GLB1L2: variants seen among roughly 807,000 people sequenced by gnomAD.
The protein encoded by GLB1L2 is beta-galactosidase-1-like protein 2.
In GLB1L2, 68 loss-of-function variants were observed where a neutral mutation model predicts 84.1. The observed-to-expected ratio is 0.81, with a 90% CI of 0.67 to 0.99. The LOEUF is 0.99. Ranked by LOEUF, GLB1L2 falls within the 50% of genes least tolerant of loss-of-function variation. GLB1L2 has a pLI of 0.00. For synonymous variants in GLB1L2, 290 were observed against 318.0 expected (o/e 0.91, Z 0.94); for missense variants, 762 against 805.6 (o/e 0.95, Z 0.66).
In GLB1L2 at chr11:134,370,243, G is replaced by C; in HGVS notation, c.1109-50G>C. 1 of 1,485,190 alleles carries C rather than the reference G, an allele frequency of 6.7e-7. No homozygotes were observed. Among genetic ancestry groups the C allele is most frequent in the Non-Finnish European group, 9.4e-7 (1 of 1,062,848 alleles). 92.0% of individuals were successfully genotyped at this position (1,485,190 alleles called of 1,614,324 possible). ...GGGAGCCGGGTGGGGAGGACGAGCAGGCAGTGACATTTGGGTCCGTTGGGG... is the reference window on the plus strand; with the variant it reads ...GGGAGCCGGGTGGGGAGGACGAGCACGCAGTGACATTTGGGTCCGTTGGGG... On this transcript the variant is annotated intron_variant, in intron 11 of 18. Transcript: ENST00000535456. This position sits in a 1 kb window ranked among gnomAD's most constrained non-coding sequence, Gnocchi z 4.7.
Position 134,371,108 on chromosome 11 carries a change from C to A in GLB1L2, c.1316C>A (p.Ser439Ter). Residue 439 changes from serine to a stop codon, truncating the protein, a stop_gained, in exon 13 of 19, where the codon TCG (serine) becomes TAG (stop). Transcript: ENST00000535456. LOFTEE classifies it high-confidence loss of function. ...ATTCTCTATGAGACCAGCATCACCTCGTCTGGCATCCTCAGTGGCCACGTG... is the reference window on the plus strand; with the variant it reads ...ATTCTCTATGAGACCAGCATCACCTAGTCTGGCATCCTCAGTGGCCACGTG... ...GYILYETSITSSGILSGHVHD... is the reference protein window; with the variant it reads ...GYILYETSIT The A allele has an allele frequency of 6.2e-7, 1 of 1,614,220 alleles. No individual in the cohort carries two copies. The highest frequency in any genetic ancestry group is 8.5e-7 in the Non-Finnish European group (1 of 1,180,028).
intron 7 of GLB1L2, 81 bp downstream of exon 7, chr11:134,359,222 C>A: frequency 1.1e-6 from 1 of 935,338 alleles, no homozygotes; most frequent in South Asian, 1.7e-5. Flanking sequence ...GGACTGCGAC[C>A]CAAGTAGGAG....
chr11:134,341,549 A>G (rs916965868), intron 1 of GLB1L2, among the ~76,000 whole-genome samples: 2 of 152,216 alleles, frequency 1.3e-5, no homozygotes, highest in Non-Finnish European at 2.9e-5. Flanking sequence ...AGAAAAAGAA[A>G]AATGTGGTGA....
In GLB1L2 at chr11:134,374,819, C is replaced by A; in HGVS notation, c.1824+101C>A. 4 of 1,150,884 alleles carry A rather than the reference C, an allele frequency of 3.5e-6. No homozygotes were observed. The South Asian group carries it at 5.2e-5, about 15-fold the overall frequency. 71.3% of individuals were successfully genotyped at this position (1,150,884 alleles called of 1,614,324 possible). A position where few individuals can be genotyped will look rare whatever the true frequency, so the allele number is the denominator to read the frequency against. ...TGGAGGGGCGTGTCAGCGGGTTCTT[C>A]CTCCCTCCTCCTCGCTGCAGACGAG... On this transcript the variant is annotated intron_variant, in intron 18 of 18. Coordinates refer to ENST00000535456, the MANE Select transcript of GLB1L2 (RefSeq NM_001370461.1).
intron 1 of GLB1L2, among the ~76,000 whole-genome samples, chr11:134,336,727 C>T (rs781288725): frequency 6.6e-6 from 1 of 151,878 alleles, no homozygotes; most frequent in Non-Finnish European, 1.5e-5. Context: ...TCTTGTATAT[C>T]TTCATAGATA....
At chr11:134,359,384 G>A (rs1171232890) in intron 7 of GLB1L2, among the ~76,000 whole-genome samples, 4 of 152,110 alleles carry the variant, frequency 2.6e-5, no homozygotes, top group Non-Finnish European at 2.9e-5. Context: ...GGGCTCCAAG[G>A]GCACTCTGCA....
intron 8 of GLB1L2, 88 bp from the exon 9 acceptor site, chr11:134,367,169 A>G (rs1292097829): frequency 2.7e-5 from 30 of 1,093,668 alleles, no homozygotes; most frequent in Non-Finnish European, 2.1e-5. Context: ...TAGAGAGGGC[A>G]GAGATCCTGG....
At chr11:134,345,825 T>C (rs1943546355) in intron 4 of GLB1L2, among the ~76,000 whole-genome samples, 1 of 152,208 alleles carries the variant, frequency 6.6e-6, no homozygotes, top group Admixed American at 6.5e-5. Context: ...TCCAAGTATT[T>C]TGATAAAGTA....
At chr11:134,365,179 G>A (rs556934525) in intron 8 of GLB1L2, 1 of 152,486 alleles carries the variant, frequency 6.6e-6, no homozygotes, top group African/African-American at 2.4e-5. Flanking sequence ...TGTGTCCTCA[G>A]GCACATCTGC....
At chr11:134,356,727 G>A (rs1943708140) in intron 6 of GLB1L2, among the ~76,000 whole-genome samples, 2 of 152,196 alleles carry the variant, frequency 1.3e-5, no homozygotes, top group African/African-American at 4.8e-5. Context: ...GCTGCACACT[G>A]GCTCTATCTG....
At chr11:134,363,451 A>C (rs1290011700) in intron 7 of GLB1L2, among the ~76,000 whole-genome samples, 1 of 152,218 alleles carries the variant, frequency 6.6e-6, no homozygotes, top group East Asian at 1.9e-4. Flanking sequence ...TTAGGCAGAT[A>C]GCAGGCAGGT....
At position 134,367,261 on chromosome 11, in the gene GLB1L2, C is replaced by T. The variant is rs1468198327; in HGVS notation, c.809C>T (p.Thr270Ile). The T allele has an allele frequency of 6.2e-7, 1 of 1,613,834 alleles. No individual in the cohort carries two copies. The highest frequency in any genetic ancestry group is 1.3e-5 in the African/African-American group (1 of 74,938). ...LTTFLFNVQG[T>I]QPKMVMEYWT... ...CTCTCATTTTGTGGTGTCCAGGGGA[C>T]TCAGCCCAAGATGGTGATGGAGTAC... The change falls in exon 9 of 19, where the codon ACT becomes ATT. Residue 270 changes from threonine to isoleucine, a missense_variant. Transcript: ENST00000535456.
At position 134,339,951 on chromosome 11, in the gene GLB1L2, A is replaced by C. The variant is rs1411438566; in HGVS notation, c.87-2803A>C. ...AGTTCAGAGGTGTGGCTGTCTATAG[A>C]CCACACCTGGAGAAGTCAGCCTAGA... is the stretch of plus-strand genomic sequence containing the variant. On this transcript the variant is annotated intron_variant, in intron 1 of 18. Coordinates refer to ENST00000535456, the MANE Select transcript of GLB1L2 (RefSeq NM_001370461.1). The surrounding 1 kb of genome is among the most constrained non-coding windows in gnomAD (Gnocchi z 5.7). 6.6e-6 allele frequency among the ~76,000 whole-genome samples: 1 copy of C among 152,070 alleles called. No homozygotes were observed. Among genetic ancestry groups the C allele is most frequent in the Admixed American group, 6.5e-5 (1 of 15,274 alleles).
At chr11:134,341,845 G>A (rs1943466476) in intron 1 of GLB1L2, among the ~76,000 whole-genome samples, 1 of 152,146 alleles carries the variant, frequency 6.6e-6, no homozygotes, top group Non-Finnish European at 1.5e-5. Context: ...TCAGCTGAGG[G>A]GCGTCTTGTG....
In GLB1L2 at chr11:134,373,694, C is replaced by A. The variant is rs757889148; in HGVS notation, c.1508-27C>A. 6 of 1,515,346 alleles carry A rather than the reference C, an allele frequency of 4.0e-6. No individual in the cohort carries two copies. In the South Asian group the frequency reaches 6.9e-5, roughly 17 times the overall value. 93.9% of individuals were successfully genotyped at this position (1,515,346 alleles called of 1,614,324 possible). A position where few individuals can be genotyped will look rare whatever the true frequency, so the allele number is the denominator to read the frequency against. The stretch of plus-strand genomic sequence containing the variant: ...TGACTCGGCCCCTGCCTTTGGGCTA[C>A]CCACGTGTCCTGCCTCCCTCCCACA... On this transcript the variant is annotated intron_variant, in intron 15 of 18. Transcript: ENST00000535456.
At chr11:134,371,686 A>G in intron 14 of GLB1L2, 66 bp from the exon 15 acceptor site, 3 of 1,534,890 alleles carry the variant, frequency 2.0e-6, no homozygotes, top group Non-Finnish European at 2.7e-6. Context: ...ACTGGGGTCC[A>G]CAAGCAAATT....
At chr11:134,351,292 T>A (rs2136272954) in intron 5 of GLB1L2, among the ~76,000 whole-genome samples, 1 of 152,296 alleles carries the variant, frequency 6.6e-6, no homozygotes, top group East Asian at 1.9e-4. Context: ...CATGTGGTTT[T>A]TCCTCTTAAT....
At chr11:134,349,325 G>A (rs1943594033) in intron 5 of GLB1L2, among the ~76,000 whole-genome samples, 1 of 152,306 alleles carries the variant, frequency 6.6e-6, no homozygotes. Flanking sequence ...TAACACGTTT[G>A]TTTATCCTTC....
chr11:134,342,431 G>GCCCGCCCCGCCCCGC (rs577419143), intron 1 of GLB1L2, among the ~76,000 whole-genome samples: 1 of 151,792 alleles, frequency 6.6e-6, no homozygotes, highest in Admixed American at 6.6e-5. Context: ...CCCGTGCGGC[G>GCCCGCCCCGCCCCGC]CCCGCCCCGC....
Sources: gnomAD v4.1 joint callset for allele counts (sites outside exome capture counted in the v4.1 genomes callset) on GRCh38, gnomAD v4.1.1 for gene constraint, Gnocchi (gnomAD v3.1) non-coding constraint, MANE v1.5 for transcripts, NCBI Gene and HGNC (gene_info 2026-07-23, HGNC 2026-07-21) for gene names.